ARID4B: variants seen among roughly 807,000 people sequenced by gnomAD.
ARID4B encodes AT-rich interaction domain 4B.
A neutral mutation model predicts 147.5 loss-of-function variants in ARID4B; 26 were observed. The observed-to-expected ratio is 0.18, with a 90% CI of 0.13 to 0.24. The LOEUF (loss-of-function observed/expected upper bound fraction) is 0.24, where lower values mean the gene tolerates loss of function less well. Among genes scored for constraint, ARID4B ranks in the 10% least tolerant of loss-of-function variants. The pLI is 1.00. For synonymous variants in ARID4B, 512 were observed against 507.9 expected (o/e 1.01, Z -0.11); for missense variants, 1,179 against 1,511.5 (o/e 0.78, Z 3.65).
chr1:235,324,207 G>A (rs745961182), intron 2 of ARID4B, among the ~76,000 whole-genome samples: 1 of 151,952 alleles, frequency 6.6e-6, no homozygotes, highest in Non-Finnish European at 1.5e-5. Context: ...ATGCCCAGCC[G>A]GCACCACTGA....
Position 235,184,983 on chromosome 1 carries a change from A to G in ARID4B, c.2126-2190T>C, listed in dbSNP as rs559295445. ...AGGCACATGCCACCATGCCCAGCTA[A>G]TTTTTGTATTTTTAGTAGAGATGAA... On this transcript the variant is annotated intron_variant, in intron 19 of 23. Transcript: ENST00000264183. 3.9e-5 allele frequency among the ~76,000 whole-genome samples: 6 copies of G among 152,106 alleles called. No individual in the cohort carries two copies. The East Asian group carries it at 1.2e-3, about 29-fold the overall frequency.
Position 235,300,411 on chromosome 1 carries a change from C to T in ARID4B, c.6+26503G>A, listed in dbSNP as rs564384415. On this transcript the variant is annotated intron_variant, in intron 2 of 23. Coordinates refer to ENST00000264183, the MANE Select transcript of ARID4B (RefSeq NM_016374.6). ...CAGCCTGGGCGACAGAATGAGACTC[C>T]GTCTCATAAAAAAAAAAAAAAGAAA... Among the ~76,000 whole-genome samples, 759 of 112,664 alleles carry T rather than the reference C, an allele frequency of 6.7e-3. 7 individuals are homozygous for T. The highest frequency in any genetic ancestry group is 0.025 in the African/African-American group (699 of 28,164). 73.9% of individuals were successfully genotyped at this position (112,664 alleles called of 152,430 possible).
chr1:235,309,552 G>A (rs1052556707), intron 2 of ARID4B, among the ~76,000 whole-genome samples: 3 of 147,892 alleles, frequency 2.0e-5, no homozygotes, highest in African/African-American at 7.5e-5. Context: ...AGGGAGGTGG[G>A]GGGGTCAGCC....
At chr1:235,199,460 T>C (rs978164355) in intron 17 of ARID4B, among the ~76,000 whole-genome samples, 1 of 152,192 alleles carries the variant, frequency 6.6e-6, no homozygotes, top group Non-Finnish European at 1.5e-5. Context: ...CTAGAGCATA[T>C]CTTAAAAATT....
intron 13 of ARID4B, 81 bp from the exon 14 acceptor site, chr1:235,221,743 G>A (rs897249738): frequency 6.7e-6 from 4 of 593,258 alleles, no homozygotes; most frequent in Non-Finnish European, 1.1e-5. Flanking sequence ...GTATATATGA[G>A]TATATTTTTA....
rs191612834 is a variant in ARID4B, at chr1:235,191,995, T to G, written c.2125+2018A>C. On this transcript the variant is annotated intron_variant, in intron 19 of 23. Coordinates refer to ENST00000264183, the MANE Select transcript of ARID4B (RefSeq NM_016374.6). Reference sequence around the variant, plus strand: ...TAGGAGGCTGAGATGGAAAGGTCGCTTGAGCCCAGGAGGTCACTTGAGTCG... The same window carrying G: ...TAGGAGGCTGAGATGGAAAGGTCGCGTGAGCCCAGGAGGTCACTTGAGTCG... 5.6e-3 allele frequency among the ~76,000 whole-genome samples: 857 copies of G among 152,174 alleles called. 8 individuals carry two copies. Among genetic ancestry groups the G allele is most frequent in the African/African-American group, 0.02 (814 of 41,534 alleles).
At chr1:235,197,418 GAA>G (rs1665578024) in intron 17 of ARID4B, among the ~76,000 whole-genome samples, 1 of 152,210 alleles carries the variant, frequency 6.6e-6, no homozygotes, top group South Asian at 2.1e-4. Context: ...CATAGGCCTG[GAA>G]AGTATCTGTA....
At chr1:235,203,941 A>G (rs1666123464) in intron 17 of ARID4B, among the ~76,000 whole-genome samples, 1 of 152,202 alleles carries the variant, frequency 6.6e-6, no homozygotes, top group Non-Finnish European at 1.5e-5. Flanking sequence ...ATCTAAAACA[A>G]GATATATGAA....
chr1:235,226,739 GTCTCGATC>G (rs1667859472), intron 11 of ARID4B, among the ~76,000 whole-genome samples: 1 of 152,154 alleles, frequency 6.6e-6, no homozygotes, highest in Non-Finnish European at 1.5e-5. Context: ...AGCCAGGATG[GTCTCGATC>G]TCCTGACCTC....
intron 11 of ARID4B, among the ~76,000 whole-genome samples, chr1:235,226,248 C>T (rs949386189): frequency 5.3e-5 from 8 of 152,060 alleles, no homozygotes; most frequent in Admixed American, 4.6e-4. Flanking sequence ...AGTATGAATA[C>T]GAGTAAGACA....
intron 13 of ARID4B, among the ~76,000 whole-genome samples, chr1:235,222,002 C>CGG (rs1558217546): frequency 1.4e-5 from 2 of 143,752 alleles, no homozygotes; most frequent in Non-Finnish European, 3.0e-5. Flanking sequence ...CCTGAACTTC[C>CGG]GGGCTCAAGG....
At chr1:235,255,269 A>ATATC in intron 5 of ARID4B, among the ~76,000 whole-genome samples, 1 of 131,710 alleles carries the variant, frequency 7.6e-6, no homozygotes, top group Non-Finnish European at 1.7e-5. Flanking sequence ...ATAGATATAT[A>ATATC]TCTCTCTCTC....
chr1:235,271,964 T>TA (rs1466828265), intron 2 of ARID4B, among the ~76,000 whole-genome samples: 18 of 106,432 alleles, frequency 1.7e-4, no homozygotes, highest in African/African-American at 4.9e-4. Context: ...GTAATAATAA[T>TA]AATAAATAAT....
chr1:235,181,702 T>C lies in ARID4B; in HGVS notation c.3217A>G (p.Ser1073Gly), dbSNP rs201459148. 2.5e-6 allele frequency: 4 copies of C among 1,614,030 alleles called. No homozygotes were observed. Among genetic ancestry groups the C allele is most frequent in the Non-Finnish European group, 3.4e-6 (4 of 1,180,020 alleles). ...SETDSTIEVDSVAGELQDLQS... is the reference protein window; with the variant it reads ...SETDSTIEVDGVAGELQDLQS... ...AGGTCTTGGAGCTCCCCAGCAACAC[T>C]ATCCACCTCAATTGTGCTATCAGTT... Residue 1073 changes from serine (S) to glycine (G), a missense_variant, in exon 20 of 24, where the codon AGT becomes GGT. By Grantham distance (56) the Ser-to-Gly change is moderately conservative (BLOSUM62 0). Transcript: ENST00000264183.
chr1:235,319,724 C>T (rs571498183), intron 2 of ARID4B, among the ~76,000 whole-genome samples: 33 of 151,956 alleles, frequency 2.2e-4, no homozygotes, highest in Non-Finnish European at 4.0e-4. Flanking sequence ...AAAGGGAGGA[C>T]GGCCAGGTGC....
chr1:235,289,081 A>G (rs1246003440), intron 2 of ARID4B, among the ~76,000 whole-genome samples: 1 of 152,234 alleles, frequency 6.6e-6, no homozygotes, highest in African/African-American at 2.4e-5. Flanking sequence ...TCCAATAGCT[A>G]TACTTGCACA....
In ARID4B at chr1:235,255,684, T is replaced by A. The variant is rs761058312; in HGVS notation, c.250A>T (p.Thr84Ser). Residue 84 changes from threonine to serine, a missense_variant, in exon 5 of 24, where the codon ACA becomes TCA. Thr to Ser is a moderately conservative substitution (Grantham distance 58). Around this residue, in one of 10 missense-constraint regions of ARID4B, gnomAD observed 56 missense variants for 99.2 expected, o/e 0.56. Coordinates refer to ENST00000264183, the MANE Select transcript of ARID4B (RefSeq NM_016374.6). ...AYQEAVINKL[T>S]DASWYTVVFD... Reference sequence around the variant, plus strand: ...CCTACAGTGTACCAACTCGCATCTGTTAGTTTATTGATAACAGCTTCCTGA... The same window carrying A: ...CCTACAGTGTACCAACTCGCATCTGATAGTTTATTGATAACAGCTTCCTGA... 5.0e-6 allele frequency: 8 copies of A among 1,610,954 alleles called. No homozygotes were observed. The highest frequency in any genetic ancestry group is 6.8e-6 in the Non-Finnish European group (8 of 1,178,442).
At chr1:235,189,716 T>C (rs1014240450) in intron 19 of ARID4B, among the ~76,000 whole-genome samples, 1 of 150,058 alleles carries the variant, frequency 6.7e-6, no homozygotes, top group Non-Finnish European at 1.5e-5. Context: ...GGGCTGAACA[T>C]AGTGAAACAC....
intron 2 of ARID4B, among the ~76,000 whole-genome samples, chr1:235,325,151 G>C (rs548946942): frequency 5.9e-5 from 9 of 152,144 alleles, no homozygotes; most frequent in Non-Finnish European, 8.8e-5. Context: ...TATAATAACA[G>C]GAAGTACTTG....
Sources: gnomAD v4.1 joint callset for allele counts (sites outside exome capture counted in the v4.1 genomes callset) on GRCh38, gnomAD v4.1.1 for gene constraint, gnomAD v4.1.1 regional missense constraint, MANE v1.5 for transcripts, NCBI Gene and HGNC (gene_info 2026-07-23, HGNC 2026-07-21) for gene names.